Variants in SPECC1L observed in about 807,000 individuals in gnomAD.
SPECC1L encodes sperm antigen with calponin homology and coiled-coil domains 1 like.
A neutral mutation model predicts 116.8 loss-of-function variants in SPECC1L; 40 were observed. The observed-to-expected ratio is 0.34, with a 90% CI of 0.27 to 0.45. The LOEUF (loss-of-function observed/expected upper bound fraction) is 0.45. Ranked by LOEUF, SPECC1L falls within the 20% of genes least tolerant of loss-of-function variation. SPECC1L has a pLI of 1.00. For synonymous variants in SPECC1L, 504 were observed against 500.6 expected, an observed-to-expected ratio of 1.01 and a Z score of -0.09; for missense variants, 1,110 against 1,373.6, an observed-to-expected ratio of 0.81 and a Z score of 3.03.
intron 2 of SPECC1L, among the ~76,000 whole-genome samples, chr22:24,279,948 A>C (rs533627153): frequency 3.9e-5 from 6 of 152,272 alleles, no homozygotes; most frequent in East Asian, 1.9e-4. Flanking sequence ...GTTCTCTTCT[A>C]TTTTCCTTCT....
At chr22:24,310,511 C>T (rs913731313) in intron 3 of SPECC1L, among the ~76,000 whole-genome samples, 1 of 152,150 alleles carries the variant, frequency 6.6e-6, no homozygotes, top group Non-Finnish European at 1.5e-5. Context: ...CATATTCTTT[C>T]CAAAAGAGCA....
intron 2 of SPECC1L, among the ~76,000 whole-genome samples, chr22:24,285,411 G>A (rs1269702707): frequency 6.6e-6 from 1 of 152,116 alleles, no homozygotes; most frequent in Non-Finnish European, 1.5e-5. Context: ...ACCGAAATTT[G>A]GAGATGAGTA....
chr22:24,401,950 T>C (rs2042483486), intron 14 of SPECC1L, among the ~76,000 whole-genome samples: 1 of 152,118 alleles, frequency 6.6e-6, no homozygotes, highest in Non-Finnish European at 1.5e-5. Context: ...CATGCAGGGC[T>C]TATCTCCAGA....
intron 11 of SPECC1L, among the ~76,000 whole-genome samples, chr22:24,357,728 C>T (rs983495310): frequency 2.0e-5 from 3 of 152,128 alleles, no homozygotes; most frequent in Non-Finnish European, 4.4e-5. Flanking sequence ...GAACAGGCTT[C>T]CAGTTTCTCC....
intron 14 of SPECC1L, among the ~76,000 whole-genome samples, chr22:24,392,272 T>A (rs1476571760): frequency 6.6e-6 from 1 of 152,252 alleles, no homozygotes; most frequent in East Asian, 1.9e-4. Context: ...GCTGCCTAAT[T>A]ATTTTGCTAA....
intron 14 of SPECC1L, among the ~76,000 whole-genome samples, chr22:24,400,578 A>G (rs769748921): frequency 1.1e-4 from 16 of 152,212 alleles, no homozygotes; most frequent in Non-Finnish European, 1.5e-4. Context: ...TCTTTGAAGT[A>G]TAGACAAGGA....
intron 11 of SPECC1L, 53 bp downstream of exon 11, chr22:24,347,229 C>G (rs1177655189): frequency 6.9e-7 from 1 of 1,439,010 alleles, no homozygotes; most frequent in Non-Finnish European, 9.8e-7. Flanking sequence ...TTGAATTGTT[C>G]TGGCTTTTTT....
At chr22:24,282,801 G>A (rs1052957263) in intron 2 of SPECC1L, among the ~76,000 whole-genome samples, 1 of 148,660 alleles carries the variant, frequency 6.7e-6, no homozygotes, top group Non-Finnish European at 1.5e-5. Flanking sequence ...TTTTTAAGAC[G>A]GGGTCGCACC....
At chr22:24,346,100 G>A (rs951689989) in intron 10 of SPECC1L, among the ~76,000 whole-genome samples, 1 of 151,368 alleles carries the variant, frequency 6.6e-6, no homozygotes, top group Non-Finnish European at 1.5e-5. Context: ...TCCGCCTCTC[G>A]GCTTCAAGTG....
At chr22:24,338,908 AG>A (rs2041117003) in intron 10 of SPECC1L, among the ~76,000 whole-genome samples, 1 of 152,228 alleles carries the variant, frequency 6.6e-6, no homozygotes, top group African/African-American at 2.4e-5. Context: ...GTCTGGATTC[AG>A]TGACTTTAGT....
At chr22:24,316,934 C>G (rs1375466131) in intron 4 of SPECC1L, among the ~76,000 whole-genome samples, 1 of 106,738 alleles carries the variant, frequency 9.4e-6, no homozygotes, top group Non-Finnish European at 2.0e-5. Context: ...CCCTCCCAGA[C>G]GGGGCGGCTG....
At chr22:24,273,779 A>G (rs2048776736) in intron 1 of SPECC1L, among the ~76,000 whole-genome samples, 1 of 152,088 alleles carries the variant, frequency 6.6e-6, no homozygotes. Flanking sequence ...ATTGTTTTTG[A>G]GACAGTTTCG....
intron 6 of SPECC1L, among the ~76,000 whole-genome samples, chr22:24,325,857 G>C (rs1268056698): frequency 6.6e-6 from 1 of 152,114 alleles, no homozygotes; most frequent in Non-Finnish European, 1.5e-5. Flanking sequence ...AAGTAGATGT[G>C]TCATGTCCTT....
rs114715226 is a variant in SPECC1L, at chr22:24,334,580, A to G, written c.2560+7A>G. On this transcript the variant is annotated splice_region_variant and intron_variant, in intron 9 of 16. Transcript: ENST00000314328. The stretch of plus-strand genomic sequence containing the variant: ...TTTGACAGTGCATCTCAAGGTAATT[A>G]ATTTCTCCTACATTGTGCCTACTGC... The G allele has an allele frequency of 7.7e-4, 1,243 of 1,614,070 alleles. 4 individuals carry two copies. In the African/African-American group the frequency reaches 0.015, roughly 19 times the overall value.
chr22:24,366,739 TTAA>T (rs1439562119), intron 13 of SPECC1L, among the ~76,000 whole-genome samples: 1 of 152,138 alleles, frequency 6.6e-6, no homozygotes, highest in Non-Finnish European at 1.5e-5. Context: ...TGGTGCTACA[TTAA>T]TAATTGATAA....
At chr22:24,272,214 C>T (rs2048740780) in intron 1 of SPECC1L, among the ~76,000 whole-genome samples, 1 of 151,920 alleles carries the variant, frequency 6.6e-6, no homozygotes, top group South Asian at 2.1e-4. Context: ...AATCCTGTCT[C>T]TACTAAAAAT....
chr22:24,355,270 A>G (rs571924691), intron 11 of SPECC1L, among the ~76,000 whole-genome samples: 2 of 130,356 alleles, frequency 1.5e-5, no homozygotes, highest in East Asian at 5.0e-4. Flanking sequence ...CAACAGAGTG[A>G]GACTCCATCT....
chr22:24,331,068 G>GT (rs200608507), intron 8 of SPECC1L, among the ~76,000 whole-genome samples: 46 of 152,078 alleles, frequency 3.0e-4, no homozygotes, highest in African/African-American at 1.1e-3. Flanking sequence ...TCCACAGTAG[G>GT]TTTTTTTTCC....
chr22:24,397,106 G>T (rs1354964278), intron 14 of SPECC1L, among the ~76,000 whole-genome samples: 1 of 152,084 alleles, frequency 6.6e-6, no homozygotes, highest in Admixed American at 6.5e-5. Context: ...ACTGAGTTGA[G>T]GGCTCTGGAG....
Sources: gnomAD v4.1 joint callset for allele counts (sites outside exome capture counted in the v4.1 genomes callset) on GRCh38, gnomAD v4.1.1 for gene constraint, MANE v1.5 for transcripts, NCBI Gene and HGNC (gene_info 2026-07-23, HGNC 2026-07-21) for gene names.